RAB11B: variants seen among roughly 807,000 people sequenced by gnomAD.
RAB11B encodes ras-related protein Rab-11B.
Under a neutral mutation model 23.7 loss-of-function variants are expected in RAB11B, and 7 were observed. The ratio of observed to expected loss-of-function variants is 0.29; its 90% CI spans 0.17 to 0.55. The LOEUF is 0.55. Ranked by LOEUF, RAB11B falls within the 20% of genes least tolerant of loss-of-function variation. The probability of loss-of-function intolerance (pLI) is 0.93; values close to 1 mark genes in which losing one functional copy is unlikely to be tolerated. For synonymous variants in RAB11B, 138 were observed against 132.0 expected (o/e 1.05, Z -0.31); for missense variants, 189 against 320.0 (o/e 0.59, Z 3.12).
chr19:8,402,607 G>T, intron 4 of RAB11B, 42 bp downstream of exon 4: 3 of 1,481,422 alleles, frequency 2.0e-6, no homozygotes, highest in Non-Finnish European at 2.8e-6. Flanking sequence ...CACCAGCCAG[G>T]CAGGGTGGAA....
chr19:8,395,541 G>A (rs1206619442), intron 1 of RAB11B, among the ~76,000 whole-genome samples: 1 of 152,168 alleles, frequency 6.6e-6, no homozygotes, highest in African/African-American at 2.4e-5. Context: ...ACAGGCATGA[G>A]CCACTGTACC....
intron 2 of RAB11B, 129 bp downstream of exon 2, chr19:8,400,187 G>A: frequency 8.4e-7 from 1 of 1,187,112 alleles, no homozygotes; most frequent in Non-Finnish European, 1.2e-6. Flanking sequence ...CAGGGAGTGA[G>A]GCTGGAAGAA....
chr19:8,403,032 A>C (rs147519168), intron 4 of RAB11B: 2 of 331,044 alleles, frequency 6.0e-6, no homozygotes, highest in African/African-American at 2.1e-5. Flanking sequence ...TGGACACTTC[A>C]CAGGGTCAGA....
intron 1 of RAB11B, among the ~76,000 whole-genome samples, chr19:8,398,764 C>T (rs7255940): frequency 6.6e-6 from 1 of 152,022 alleles, no homozygotes; most frequent in Non-Finnish European, 1.5e-5. Flanking sequence ...GCTGCCTACT[C>T]GTGTCCCTTC....
chr19:8,392,318 A>G (rs531618095), intron 1 of RAB11B, among the ~76,000 whole-genome samples: 3 of 152,310 alleles, frequency 2.0e-5, no homozygotes, highest in Admixed American at 1.3e-4. Flanking sequence ...ATTTCCTTGA[A>G]GTGCGTTCCC....
intron 1 of RAB11B, 87 bp downstream of exon 1, chr19:8,390,543 C>T: frequency 1.5e-6 from 2 of 1,299,728 alleles, no homozygotes; most frequent in Non-Finnish European, 2.0e-6. Context: ...GCCGCTGGGC[C>T]CAGGCCGGAG....
rs1971395565 is a variant in RAB11B at position 8,396,231 on chromosome 19, C to T, written c.41-3632C>T. ...TGTAGGGGCTGCCTGATCCTGCCCT[C>T]CTCACCTGTGGCCCAAGGGTGGTGA... On this transcript the variant is annotated intron_variant, in intron 1 of 4. Transcript: ENST00000328024. The surrounding 1 kb of genome is among the most constrained non-coding windows in gnomAD (Gnocchi z 5.0). Among the ~76,000 whole-genome samples the T allele has an allele frequency of 6.6e-6, 1 of 152,226 alleles. No homozygotes were observed.
In RAB11B at chr19:8,403,694, G is replaced by A. The variant is rs763776687; in HGVS notation, c.*136G>A. The A allele has an allele frequency of 1.7e-5, 22 of 1,283,378 alleles. No homozygotes were observed. Among genetic ancestry groups the A allele is most frequent in the Non-Finnish European group, 2.3e-5 (22 of 956,014 alleles). 79.5% of individuals were successfully genotyped at this position (1,283,378 alleles called of 1,614,324 possible). ...GTGAGCTCTGCACGGCCGGGCCGGGGCCCAGGAAGGACAGGAGCCAGTGCT... is the reference window on the plus strand; with the variant it reads ...GTGAGCTCTGCACGGCCGGGCCGGGACCCAGGAAGGACAGGAGCCAGTGCT... On this transcript the variant is annotated 3_prime_UTR_variant, in exon 5 of 5. Transcript: ENST00000328024.
intron 1 of RAB11B, among the ~76,000 whole-genome samples, chr19:8,398,934 C>T (rs1275757769): frequency 3.4e-5 from 5 of 149,026 alleles, no homozygotes; most frequent in African/African-American, 5.0e-5. Context: ...GTAGCCACCA[C>T]GCCCAGCTAA....
rs1403889847 is a variant in RAB11B, at chr19:8,393,644, C to T, written c.40+3188C>T. Reference sequence around the variant, plus strand: ...GTCCCTCCAGTGCCCTGGCTCTGTACACCTCCCCATAGAAGAGCTGAGACA... The same window carrying T: ...GTCCCTCCAGTGCCCTGGCTCTGTATACCTCCCCATAGAAGAGCTGAGACA... On this transcript the variant is annotated intron_variant, in intron 1 of 4. Coordinates refer to ENST00000328024, the MANE Select transcript of RAB11B (RefSeq NM_004218.4). Among the ~76,000 whole-genome samples the T allele has an allele frequency of 3.3e-5, 5 of 152,344 alleles. 1 individual carries two copies. Among genetic ancestry groups the T allele is most frequent in the Admixed American group, 3.3e-4 (5 of 15,310 alleles).
intron 1 of RAB11B, among the ~76,000 whole-genome samples, chr19:8,391,410 C>G (rs1971352140): frequency 6.6e-6 from 1 of 152,266 alleles, no homozygotes; most frequent in South Asian, 2.1e-4. Flanking sequence ...CCCAGCCAGC[C>G]TGCTGGAGGG....
intron 1 of RAB11B, among the ~76,000 whole-genome samples, chr19:8,399,014 G>A (rs1034861143): frequency 6.6e-6 from 1 of 150,452 alleles, no homozygotes; most frequent in African/African-American, 2.5e-5. Context: ...GTACGGTGGC[G>A]TGATCTCGGC....
chr19:8,402,540 G>A lies in RAB11B; in HGVS notation c.486G>A (p.Glu162=). ...CAGCCTTGGATTCCACTAACGTAGAGGAAGCATTCAAGAACATCCTCACAG... is the reference window on the plus strand; with the variant it reads ...CAGCCTTGGATTCCACTAACGTAGAAGAAGCATTCAAGAACATCCTCACAG... The part of the protein sequence containing the change: ...ETSALDSTNV[E]EAFKNILTEI... The change falls in exon 4 of 5, where the codon GAG becomes GAA. Residue 162 remains glutamate, a synonymous_variant. Transcript: ENST00000328024. 1 of 1,613,976 alleles carries A rather than the reference G, an allele frequency of 6.2e-7. No homozygotes were observed. The highest frequency in any genetic ancestry group is 8.5e-7 in the Non-Finnish European group (1 of 1,179,778).
chr19:8,402,969 AT>A (rs948197978), intron 4 of RAB11B: 16 of 359,690 alleles, frequency 4.4e-5, no homozygotes, highest in African/African-American at 8.4e-5. Flanking sequence ...GGCCTGTTTG[AT>A]TTTTTTCCAC....
chr19:8,402,828 A>G (rs1971449281), intron 4 of RAB11B: 1 of 561,206 alleles, frequency 1.8e-6, no homozygotes, highest in Non-Finnish European at 3.1e-6. Flanking sequence ...ACACCCGCTA[A>G]TTTTTGTAAT....
chr19:8,392,301 TTAG>T (rs1971361440), intron 1 of RAB11B, among the ~76,000 whole-genome samples: 1 of 152,212 alleles, frequency 6.6e-6, no homozygotes, highest in African/African-American at 2.4e-5. Flanking sequence ...GTTTTGCCCT[TTAG>T]ATTATTTCCT....
chr19:8,396,822 A>G lies in RAB11B; in HGVS notation c.41-3041A>G, dbSNP rs1971400924. On this transcript the variant is annotated intron_variant, in intron 1 of 4. Coordinates refer to ENST00000328024, the MANE Select transcript of RAB11B (RefSeq NM_004218.4). This position sits in a 1 kb window ranked among gnomAD's most constrained non-coding sequence, Gnocchi z 5.0. ...AGGGTTGTCTGCAGAGGAGGGAGGGAGGTGCCCTGGCTCGGCACTCACGGG... is the reference window on the plus strand; with the variant it reads ...AGGGTTGTCTGCAGAGGAGGGAGGGGGGTGCCCTGGCTCGGCACTCACGGG... Among the ~76,000 whole-genome samples the G allele has an allele frequency of 6.6e-6, 1 of 151,282 alleles. No homozygotes were observed. The highest frequency in any genetic ancestry group is 1.5e-5 in the Non-Finnish European group (1 of 67,886).
intron 2 of RAB11B, among the ~76,000 whole-genome samples, chr19:8,400,580 ACCT>A (rs1327420471): frequency 1.9e-5 from 2 of 106,484 alleles, no homozygotes; most frequent in African/African-American, 7.5e-5. Context: ...TCTCTCTGTC[ACCT>A]CCTCTTGTTT....
chr19:8,397,996 C>T (rs1971409605), intron 1 of RAB11B, among the ~76,000 whole-genome samples: 2 of 152,116 alleles, frequency 1.3e-5, no homozygotes, highest in African/African-American at 4.8e-5. Context: ...CTGGCTGGGG[C>T]GTCTGGTTGG....
Sources: allele counts gnomAD v4.1 joint callset (sites outside exome capture counted in the v4.1 genomes callset), GRCh38; gene constraint gnomAD v4.1.1; non-coding constraint Gnocchi (gnomAD v3.1); transcripts MANE v1.5; gene names NCBI Gene and HGNC (gene_info 2026-07-23, HGNC 2026-07-21).